DTX2: variants seen among roughly 807,000 people sequenced by gnomAD.
The protein encoded by DTX2 is deltex E3 ubiquitin ligase 2, also known as probable E3 ubiquitin-protein ligase DTX2.
DTX2 carries 29 observed loss-of-function variants against 55.3 expected under a neutral mutation model. The observed-to-expected ratio is 0.52, with a 90% confidence interval of 0.39 to 0.71. The LOEUF (loss-of-function observed/expected upper bound fraction) is 0.71, where lower values mean the gene tolerates loss of function less well. DTX2 is among the 30% of genes least tolerant of loss of function. DTX2 has a pLI of 0.00. For missense variants in DTX2, 537 were observed against 822.5 expected (o/e 0.65, Z 4.25); for synonymous variants, 276 against 340.4 (o/e 0.81, Z 2.08).
chr7:76,483,544 C>T (rs1180790963), intron 4 of DTX2, among the ~76,000 whole-genome samples: 2 of 151,576 alleles, frequency 1.3e-5, no homozygotes, highest in African/African-American at 4.9e-5. Flanking sequence ...GAGTATCAGC[C>T]CTTACCCCTG....
chr7:76,505,722 C>A lies in DTX2; in HGVS notation c.*121C>A. On this transcript the variant is annotated 3_prime_UTR_variant, in exon 11 of 11. Transcript: ENST00000430490. This position sits in a 1 kb window ranked among gnomAD's most constrained non-coding sequence, Gnocchi z 4.4. The stretch of plus-strand genomic sequence containing the variant: ...AGGTTTGTTGAGGGTGTGGGGTGTG[C>A]CCCACCTGAAGCCGGGGCTCCCCCT... 1 of 1,078,292 alleles carries A rather than the reference C, an allele frequency of 9.3e-7. No homozygotes were observed. The highest frequency in any genetic ancestry group is 2.6e-5 in the East Asian group (1 of 38,514). The allele number at this position is 1,078,292 out of a possible 1,614,324, so 66.8% of individuals were successfully genotyped here. A position where few individuals can be genotyped will look rare whatever the true frequency, so the allele number is the denominator to read the frequency against.
At position 76,477,766 on chromosome 7, in the gene DTX2, A is replaced by T. The variant is rs372225395; in HGVS notation, c.-89-2655A>T. Among the ~76,000 whole-genome samples, 9 of 135,388 alleles carry T rather than the reference A, an allele frequency of 6.6e-5. No individual in the cohort carries two copies. In the East Asian group the frequency reaches 1.1e-3, roughly 17 times the overall value. The allele number at this position is 135,388 out of a possible 152,430, so 88.8% of individuals were successfully genotyped here. On this transcript the variant is annotated intron_variant, in intron 2 of 10. Transcript: ENST00000430490. ...AGTGAGTGGTGATTGCAGCCACTGC[A>T]CTCTAGCCTGGGTGACAGAGTGAGA...
chr7:76,474,622 T>C (rs1808341261), intron 2 of DTX2: 1 of 152,066 alleles, frequency 6.6e-6, no homozygotes, highest in Non-Finnish European at 1.5e-5. Context: ...AAGTTGAAAG[T>C]AGCCGTGGCT....
chr7:76,468,401 C>T (rs1807420123), intron 2 of DTX2, among the ~76,000 whole-genome samples: 1 of 137,458 alleles, frequency 7.3e-6, no homozygotes, highest in Non-Finnish European at 1.5e-5. Flanking sequence ...GGCCACAGGG[C>T]AGAGGTCTGC....
chr7:76,477,326 G>A (rs1183546099), intron 2 of DTX2: 1 of 139,988 alleles, frequency 7.1e-6, no homozygotes, highest in African/African-American at 2.8e-5. Context: ...ACTCAGGGCT[G>A]CCCTTGTGGC....
At chr7:76,483,762 TGAG>T (rs774058609) in intron 4 of DTX2, among the ~76,000 whole-genome samples, 2 of 150,580 alleles carry the variant, frequency 1.3e-5, no homozygotes, top group Non-Finnish European at 3.0e-5. Context: ...GCATTTAAAA[TGAG>T]GAGATTGGTC....
intron 6 of DTX2, among the ~76,000 whole-genome samples, chr7:76,498,259 C>T (rs1416851388): frequency 1.3e-5 from 2 of 148,844 alleles, no homozygotes; most frequent in Non-Finnish European, 3.0e-5. Flanking sequence ...ATACTCGAAG[C>T]GCCTGGCATG....
At chr7:76,469,211 A>G (rs1271640204) in intron 2 of DTX2, among the ~76,000 whole-genome samples, 1 of 150,840 alleles carries the variant, frequency 6.6e-6, no homozygotes. Context: ...GGCCCTAGCC[A>G]TAGGGAGTCA....
rs1199896605 is a variant in DTX2, at chr7:76,493,743, G to C, written c.1009+1490G>C. ...CACCAGCCAAGGCCTGACCAGCTTCGAGGCAGTGGAGTGGAGGGGGAGGTT... is the reference window on the plus strand; with the variant it reads ...CACCAGCCAAGGCCTGACCAGCTTCCAGGCAGTGGAGTGGAGGGGGAGGTT... On this transcript the variant is annotated intron_variant, in intron 5 of 10. Coordinates refer to ENST00000430490, the MANE Select transcript of DTX2 (RefSeq NM_001102594.3). 9.9e-5 allele frequency among the ~76,000 whole-genome samples: 14 copies of C among 141,664 alleles called. No individual in the cohort carries two copies. The Admixed American group carries it at 1.0e-3, about 10-fold the overall frequency. The allele number at this position is 141,664 out of a possible 152,430, so 92.9% of individuals were successfully genotyped here. A position where few individuals can be genotyped will look rare whatever the true frequency, so the allele number is the denominator to read the frequency against.
At chr7:76,503,123 A>T (rs1166123955) in intron 8 of DTX2, 2 of 455,078 alleles carry the variant, frequency 4.4e-6, no homozygotes, top group East Asian at 7.3e-5. Flanking sequence ...AGACGCTGCA[A>T]GGCTGTCTAT....
chr7:76,467,937 A>G (rs1213525305), intron 2 of DTX2, among the ~76,000 whole-genome samples: 1 of 152,302 alleles, frequency 6.6e-6, no homozygotes, highest in Non-Finnish European at 1.5e-5. Context: ...GGGCACTGCC[A>G]GGAGGTCCAG....
intron 2 of DTX2, chr7:76,478,147 C>T (rs944514275): frequency 9.6e-5 from 14 of 145,866 alleles, no homozygotes; most frequent in Admixed American, 1.4e-4. Flanking sequence ...TGGTGATTCC[C>T]GAGCATACAC....
intron 5 of DTX2, among the ~76,000 whole-genome samples, chr7:76,495,593 G>C (rs1293361758): frequency 6.7e-6 from 1 of 148,630 alleles, no homozygotes. Flanking sequence ...GGCCTCCTGG[G>C]GGCTGGTGGT....
chr7:76,503,355 C>T (rs1811950122), intron 8 of DTX2, 71 bp from the exon 9 acceptor site: 4 of 1,524,846 alleles, frequency 2.6e-6, no homozygotes, highest in Admixed American at 3.9e-5. Flanking sequence ...CCTTTACCAT[C>T]TGACGGTGGA....
intron 2 of DTX2, among the ~76,000 whole-genome samples, chr7:76,465,108 T>G (rs538012697): frequency 6.7e-6 from 1 of 149,012 alleles, no homozygotes; most frequent in South Asian, 2.1e-4. Flanking sequence ...CTGGCTGATT[T>G]AGAGGGTGTT....
intron 2 of DTX2, among the ~76,000 whole-genome samples, chr7:76,473,191 A>G (rs1452749787): frequency 6.6e-6 from 1 of 151,816 alleles, no homozygotes; most frequent in African/African-American, 2.4e-5. Context: ...TTTCTTTGAT[A>G]TGTTTGTGTC....
rs1810836876 is a variant in DTX2, at chr7:76,495,516, G to A, written c.1010-1821G>A. On this transcript the variant is annotated intron_variant, in intron 5 of 10. Transcript: ENST00000430490. The stretch of plus-strand genomic sequence containing the variant: ...TCTCCAGGCTTCTGGGTTGAAACTT[G>A]TGTGTTTGTGACTTGAATTCAGGGG... 2.0e-5 allele frequency among the ~76,000 whole-genome samples: 3 copies of A among 152,010 alleles called. No homozygotes were observed. The South Asian group carries it at 6.2e-4, about 32-fold the overall frequency.
chr7:76,502,379 G>C lies in DTX2; in HGVS notation c.1312G>C (p.Ala438Pro), dbSNP rs757012199. The C allele has an allele frequency of 5.6e-6, 9 of 1,612,586 alleles. No individual in the cohort carries two copies. In the East Asian group the frequency reaches 2.0e-4, roughly 36 times the overall value. ...TGACAGCAAGGCAATCGGGTCCCTAGCTGTGGGCCACCTCACCAAGTGCAG... is the reference window on the plus strand; with the variant it reads ...TGACAGCAAGGCAATCGGGTCCCTACCTGTGGGCCACCTCACCAAGTGCAG... ...VTDSKAIGSL[A>P]VGHLTKCSHA... The change falls in exon 8 of 11, where the codon GCT becomes CCT. Residue 438 changes from alanine to proline, a missense_variant. Transcript: ENST00000430490.
At chr7:76,503,117 G>A (rs1261779593) in intron 8 of DTX2, 9 of 408,272 alleles carry the variant, frequency 2.2e-5, no homozygotes, top group Non-Finnish European at 3.5e-5. Flanking sequence ...CAGATCAGAC[G>A]CTGCAAGGCT....
Sources: allele counts gnomAD v4.1 joint callset (sites outside exome capture counted in the v4.1 genomes callset), GRCh38; gene constraint gnomAD v4.1.1; non-coding constraint Gnocchi (gnomAD v3.1); transcripts MANE v1.5; gene names NCBI Gene and HGNC (gene_info 2026-07-23, HGNC 2026-07-21).